DLGAP2: variants seen among roughly 807,000 people sequenced by gnomAD.
DLGAP2 encodes disks large-associated protein 2.
A neutral mutation model predicts 100.3 loss-of-function variants in DLGAP2; 26 were observed. The ratio of observed to expected loss-of-function variants is 0.26; its 90% CI spans 0.19 to 0.36. The LOEUF is 0.36. Ranked by LOEUF, DLGAP2 falls within the 10% of genes least tolerant of loss-of-function variation. The pLI is 1.00. For synonymous variants in DLGAP2, 886 were observed against 630.1 expected, an observed-to-expected ratio of 1.41 and a Z score of -6.08; for missense variants, 1,858 against 1,453.2, an observed-to-expected ratio of 1.28 and a Z score of -4.53.
intron 3 of DLGAP2, among the ~76,000 whole-genome samples, chr8:1,280,270 C>A (rs1006514372): frequency 6.6e-6 from 1 of 152,172 alleles, no homozygotes; most frequent in Non-Finnish European, 1.5e-5. Context: ...TGAACCATCT[C>A]TGCACTTAGT....
chr8:1,172,975 A>T (rs1216074768), intron 2 of DLGAP2, among the ~76,000 whole-genome samples: 1 of 151,162 alleles, frequency 6.6e-6, no homozygotes, highest in South Asian at 2.1e-4. Flanking sequence ...TAGAGTTTCC[A>T]TTTTTTCTGC....
chr8:1,556,973 G>A (rs531079590), intron 5 of DLGAP2, among the ~76,000 whole-genome samples: 22 of 151,438 alleles, frequency 1.5e-4, no homozygotes, highest in African/African-American at 4.8e-4. Flanking sequence ...TTGTGGGGTC[G>A]GTCTTATGGA....
chr8:1,551,943 C>A (rs1400953354), intron 5 of DLGAP2, among the ~76,000 whole-genome samples: 1 of 152,170 alleles, frequency 6.6e-6, no homozygotes, highest in Non-Finnish European at 1.5e-5. Flanking sequence ...TGCTGATGAG[C>A]CTCTTCATCT....
At chr8:1,369,853 G>A (rs1314861638) in intron 3 of DLGAP2, 2 of 149,200 alleles carry the variant, frequency 1.3e-5, no homozygotes, top group Admixed American at 6.7e-5. Flanking sequence ...TTGGAGGCGC[G>A]AGGCGCAAGG....
intron 2 of DLGAP2, chr8:1,002,656 G>C (rs918536042): frequency 1.9e-4 from 29 of 152,372 alleles, no homozygotes; most frequent in African/African-American, 7.0e-4. Context: ...GGTCCACTTT[G>C]TAGTGGCAGC....
intron 3 of DLGAP2, among the ~76,000 whole-genome samples, chr8:1,414,165 G>T (rs1472607096): frequency 6.6e-6 from 1 of 152,180 alleles, no homozygotes; most frequent in Non-Finnish European, 1.5e-5. Flanking sequence ...GGAGTTGTCT[G>T]TTGAGAGAAA....
chr8:1,173,359 G>T (rs1051920128), intron 2 of DLGAP2, among the ~76,000 whole-genome samples: 4 of 152,204 alleles, frequency 2.6e-5, no homozygotes, highest in Non-Finnish European at 4.4e-5. Context: ...GAGGCAGTCT[G>T]CCCGTTCTCA....
At chr8:1,314,506 A>G (rs1260622700) in intron 3 of DLGAP2, among the ~76,000 whole-genome samples, 1 of 152,216 alleles carries the variant, frequency 6.6e-6, no homozygotes, top group Admixed American at 6.5e-5. Context: ...AAAAAATAAC[A>G]CTTTTAACAT....
At chr8:1,598,574 A>G (rs1344439700) in intron 6 of DLGAP2, among the ~76,000 whole-genome samples, 1 of 152,144 alleles carries the variant, frequency 6.6e-6, no homozygotes, top group African/African-American at 2.4e-5. Context: ...GATTTGACTT[A>G]TTCCTCATTT....
chr8:1,252,750 C>A (rs1414074790), intron 2 of DLGAP2, among the ~76,000 whole-genome samples: 1 of 152,262 alleles, frequency 6.6e-6, no homozygotes, highest in African/African-American at 2.4e-5. Flanking sequence ...TCATCTAGAG[C>A]TCCTGTTGAA....
intron 2 of DLGAP2, among the ~76,000 whole-genome samples, chr8:1,102,004 T>A (rs1804602044): frequency 6.6e-6 from 1 of 152,010 alleles, no homozygotes; most frequent in African/African-American, 2.4e-5. Context: ...AAAAAAGATT[T>A]ATGAACTTAA....
chr8:877,038 T>C (rs1208563753), intron 1 of DLGAP2, among the ~76,000 whole-genome samples: 3 of 151,706 alleles, frequency 2.0e-5, no homozygotes, highest in African/African-American at 7.3e-5. Context: ...TCTTCTACCA[T>C]CTTTACCTCT....
chr8:1,609,650 G>T (rs1031130988), intron 6 of DLGAP2, among the ~76,000 whole-genome samples: 7 of 115,192 alleles, frequency 6.1e-5, no homozygotes, highest in Admixed American at 5.0e-4. Context: ...CCCATCTCAC[G>T]TGCAGAGACA....
chr8:1,316,580 T>G (rs1306554051), intron 3 of DLGAP2, among the ~76,000 whole-genome samples: 9 of 139,400 alleles, frequency 6.5e-5, no homozygotes, highest in African/African-American at 2.5e-4. Context: ...CCAACAGTGG[T>G]CTACACTCGA....
At chr8:1,604,449 A>G (rs1274129587) in intron 6 of DLGAP2, 5 of 152,190 alleles carry the variant, frequency 3.3e-5, no homozygotes, top group South Asian at 2.1e-4. Context: ...GGAATCACCT[A>G]GAATGTTTAT....
intron 2 of DLGAP2, among the ~76,000 whole-genome samples, chr8:1,190,216 A>T (rs975821806): frequency 6.6e-6 from 1 of 152,158 alleles, no homozygotes; most frequent in Non-Finnish European, 1.5e-5. Flanking sequence ...CCTCTTCCAG[A>T]TTCTGGTGGT....
chr8:783,562 T>G (rs1463656063), intron 1 of DLGAP2, among the ~76,000 whole-genome samples: 1 of 152,068 alleles, frequency 6.6e-6, no homozygotes, highest in African/African-American at 2.4e-5. Context: ...GCACATCAGG[T>G]TTCTTATAGG....
intron 2 of DLGAP2, among the ~76,000 whole-genome samples, chr8:1,114,941 T>C (rs148400200): frequency 5.8e-4 from 89 of 152,358 alleles, no homozygotes; most frequent in African/African-American, 2.0e-3. Flanking sequence ...CTGCCTTAAT[T>C]TCATTATTTA....
chr8:1,194,951 G>T (rs1252779322), intron 2 of DLGAP2, among the ~76,000 whole-genome samples: 6 of 152,240 alleles, frequency 3.9e-5, no homozygotes, highest in Non-Finnish European at 5.9e-5. Flanking sequence ...GACAGTCAGG[G>T]CTGTCCCAGC....
Sources: allele counts gnomAD v4.1 joint callset (sites outside exome capture counted in the v4.1 genomes callset), GRCh38; gene constraint gnomAD v4.1.1; transcripts MANE v1.5; gene names NCBI Gene and HGNC (gene_info 2026-07-23, HGNC 2026-07-21).